PAPPA2: variants seen among roughly 807,000 people sequenced by gnomAD.
PAPPA2 encodes the protein pappalysin 2.
Under a neutral mutation model 176.4 loss-of-function variants are expected in PAPPA2, and 86 were observed. That is an observed-to-expected ratio of 0.49 (90% confidence interval 0.41 to 0.58). The LOEUF is 0.58. Ranked by LOEUF, PAPPA2 falls within the 20% of genes least tolerant of loss-of-function variation. The pLI, the probability that PAPPA2 is intolerant of heterozygous loss-of-function variation, is 0.00. For synonymous variants in PAPPA2, 809 were observed against 852.2 expected (o/e 0.95, Z 0.88); for missense variants, 2,073 against 2,256.9 (o/e 0.92, Z 1.65).
At chr1:176,747,705 T>C (rs1423984259) in intron 14 of PAPPA2, among the ~76,000 whole-genome samples, 1 of 152,222 alleles carries the variant, frequency 6.6e-6, no homozygotes, top group Non-Finnish European at 1.5e-5. Context: ...TGCTTATTTA[T>C]AATCTTACAG....
chr1:176,488,078 G>T (rs578142381), intron 1 of PAPPA2, among the ~76,000 whole-genome samples: 1 of 152,262 alleles, frequency 6.6e-6, no homozygotes, highest in Non-Finnish European at 1.5e-5. Context: ...TATTTTATCT[G>T]CATGATATTG....
At chr1:176,619,304 C>T (rs978163843) in intron 3 of PAPPA2, among the ~76,000 whole-genome samples, 1 of 152,050 alleles carries the variant, frequency 6.6e-6, no homozygotes, top group South Asian at 2.1e-4. Context: ...AAAAAGAGAT[C>T]TGAAAGCAAC....
rs542963489 is a variant in PAPPA2 at position 176,552,253 on chromosome 1, TC to T, written c.-916-3152del. The stretch of plus-strand genomic sequence containing the variant: ...TCTACTTCTCTTTTCCAGTTCTTTC[TC>T]CTCCCAGAATCTTCTCTTTTTCCTA... On this transcript the variant is annotated intron_variant, in intron 1 of 22. Transcript: ENST00000367662. Among the ~76,000 whole-genome samples the T allele has an allele frequency of 1.2e-4, 18 of 151,974 alleles. No individual in the cohort carries two copies. The South Asian group carries it at 3.7e-3, about 32-fold the overall frequency.
intron 14 of PAPPA2, among the ~76,000 whole-genome samples, chr1:176,750,384 C>T (rs1183122634): frequency 5.9e-5 from 9 of 152,036 alleles, no homozygotes; most frequent in South Asian, 4.1e-4. Flanking sequence ...GCAGGAGAAT[C>T]GCCTGAGTTC....
At chr1:176,723,946 T>C (rs1402010641) in intron 12 of PAPPA2, among the ~76,000 whole-genome samples, 1 of 152,196 alleles carries the variant, frequency 6.6e-6, no homozygotes, top group Non-Finnish European at 1.5e-5. Flanking sequence ...TGTTTTCCAA[T>C]TTTACAGGTG....
At chr1:176,668,285 G>GCAT (rs1197344797) in intron 3 of PAPPA2, among the ~76,000 whole-genome samples, 3 of 152,148 alleles carry the variant, frequency 2.0e-5, no homozygotes, top group African/African-American at 4.8e-5. Context: ...AGCATAGAGA[G>GCAT]CATGAGGAAA....
chr1:176,740,520 C>T (rs1027167497), intron 14 of PAPPA2, among the ~76,000 whole-genome samples: 7 of 152,130 alleles, frequency 4.6e-5, no homozygotes, highest in Admixed American at 1.3e-4. Flanking sequence ...AATTCTCTGC[C>T]AAAAACTCAA....
chr1:176,481,861 T>C (rs942181004), intron 1 of PAPPA2, among the ~76,000 whole-genome samples: 14 of 151,932 alleles, frequency 9.2e-5, no homozygotes, highest in African/African-American at 3.1e-4. Flanking sequence ...TGCACCACTA[T>C]GCCTGGCTAA....
At chr1:176,744,709 G>GT (rs898431600) in intron 14 of PAPPA2, among the ~76,000 whole-genome samples, 19 of 152,178 alleles carry the variant, frequency 1.2e-4, no homozygotes, top group Non-Finnish European at 2.4e-4. Context: ...AGAATGATCT[G>GT]TTTTTTTCTT....
chr1:176,667,258 GA>G (rs923488875), intron 3 of PAPPA2, among the ~76,000 whole-genome samples: 5 of 148,492 alleles, frequency 3.4e-5, no homozygotes, highest in African/African-American at 1.2e-4. Context: ...AAAAAAAAAA[GA>G]AAAAAAAAGA....
intron 2 of PAPPA2, 106 bp downstream of exon 2, chr1:176,557,347 AG>A: frequency 7.6e-7 from 1 of 1,323,168 alleles, no homozygotes; most frequent in Non-Finnish European, 1.0e-6. Flanking sequence ...CCAACAGGAA[AG>A]CCAGAAAGGG....
In PAPPA2 at chr1:176,662,187, A is replaced by G. The variant is rs576911149; in HGVS notation, c.1992-8783A>G. 5.9e-5 allele frequency among the ~76,000 whole-genome samples: 9 copies of G among 152,234 alleles called. No homozygotes were observed. The East Asian group carries it at 1.4e-3, about 23-fold the overall frequency. The stretch of plus-strand genomic sequence containing the variant: ...ACCTTTCCTCCAAAACTTACAATCT[A>G]TGTGATCCGGGGGAAGACACTTTAC... On this transcript the variant is annotated intron_variant, in intron 3 of 22. Transcript: ENST00000367662.
At chr1:176,515,702 T>C (rs752274219) in intron 1 of PAPPA2, among the ~76,000 whole-genome samples, 1 of 152,146 alleles carries the variant, frequency 6.6e-6, no homozygotes, top group Non-Finnish European at 1.5e-5. Context: ...GCAGTAAGCT[T>C]CATTTTGGCT....
At chr1:176,489,914 C>T (rs1368675889) in intron 1 of PAPPA2, among the ~76,000 whole-genome samples, 1 of 152,138 alleles carries the variant, frequency 6.6e-6, no homozygotes, top group Non-Finnish European at 1.5e-5. Flanking sequence ...AAGGACCTAG[C>T]ATGTGGTATA....
intron 17 of PAPPA2, among the ~76,000 whole-genome samples, chr1:176,787,730 C>T (rs1016676328): frequency 6.7e-6 from 1 of 148,938 alleles, no homozygotes; most frequent in Non-Finnish European, 1.5e-5. Flanking sequence ...AATTACTTAA[C>T]ATCCTTTAGT....
At position 176,769,597 on chromosome 1, in the gene PAPPA2, C is replaced by G. The variant is rs543791837; in HGVS notation, c.4324-10C>G. The G allele has an allele frequency of 5.0e-6, 8 of 1,612,588 alleles. No homozygotes were observed. The African/African-American group carries it at 9.3e-5, about 19-fold the overall frequency. On this transcript the variant is annotated splice_polypyrimidine_tract_variant and intron_variant, in intron 15 of 22. Coordinates refer to ENST00000367662, the MANE Select transcript of PAPPA2 (RefSeq NM_020318.3). The stretch of plus-strand genomic sequence containing the variant: ...TGTGACTTTGACAGAAGCAATTTCT[C>G]TGTTTCTAGAAGGAAATTCTGCTCA...
intron 3 of PAPPA2, among the ~76,000 whole-genome samples, chr1:176,648,161 A>G (rs1657520808): frequency 6.6e-6 from 1 of 151,518 alleles, no homozygotes; most frequent in Non-Finnish European, 1.5e-5. Context: ...TTCTTTGGTT[A>G]AATTGATTCC....
At chr1:176,589,483 T>C (rs1653522691) in intron 2 of PAPPA2, among the ~76,000 whole-genome samples, 1 of 152,234 alleles carries the variant, frequency 6.6e-6, no homozygotes, top group Non-Finnish European at 1.5e-5. Flanking sequence ...TAAACAGTTT[T>C]AAATTTAGTA....
intron 1 of PAPPA2, among the ~76,000 whole-genome samples, chr1:176,490,452 A>G (rs1475343369): frequency 2.0e-5 from 3 of 152,096 alleles, no homozygotes; most frequent in African/African-American, 7.2e-5. Flanking sequence ...AACAAAAACA[A>G]TTGTCCTCTC....
Sources: allele counts gnomAD v4.1 joint callset (sites outside exome capture counted in the v4.1 genomes callset), GRCh38; gene constraint gnomAD v4.1.1; transcripts MANE v1.5; gene names NCBI Gene and HGNC (gene_info 2026-07-23, HGNC 2026-07-21).